TF: variants seen among roughly 807,000 people sequenced by gnomAD.
The protein encoded by TF is transferrin.
A neutral mutation model predicts 82.4 loss-of-function variants in TF; 55 were observed. The ratio of observed to expected loss-of-function variants is 0.67; its 90% CI spans 0.54 to 0.84. The LOEUF (loss-of-function observed/expected upper bound fraction) is 0.84. Ranked by LOEUF, TF falls within the 40% of genes least tolerant of loss-of-function variation. The pLI, the probability that TF is intolerant of heterozygous loss-of-function variation, is 0.00. For missense variants in TF, 737 were observed against 868.4 expected (o/e 0.85, Z 1.90); for synonymous variants, 332 against 332.6 (o/e 1.00, Z 0.02).
chr3:133,724,694 C>T, the TF span, among the ~76,000 whole-genome samples: 1 of 152,118 alleles, frequency 6.6e-6, no homozygotes, highest in African/African-American at 2.4e-5. Flanking sequence ...CTTTTGTTGC[C>T]ATTGCTTTTG....
chr3:133,763,852 G>C (rs1356780483), intron 9 of TF, among the ~76,000 whole-genome samples: 1 of 152,206 alleles, frequency 6.6e-6, no homozygotes, highest in African/African-American at 2.4e-5. Context: ...CCATCTGCAC[G>C]TGAGAATTCT....
the TF span, among the ~76,000 whole-genome samples, chr3:133,729,347 C>T: frequency 1.3e-5 from 2 of 152,220 alleles, no homozygotes; most frequent in Non-Finnish European, 2.9e-5. Context: ...TTTACCTAAG[C>T]AAGCCTGGGC....
In TF at chr3:133,788,238, C is replaced by T. The variant is rs1046848379; in HGVS notation, c.*9618C>T. 6.6e-6 allele frequency: 1 copy of T among 152,210 alleles called. No individual in the cohort carries two copies. The highest frequency in any genetic ancestry group is 2.4e-5 in the African/African-American group (1 of 41,442). The allele number at this position is 152,210 out of a possible 1,614,324, so 9.4% of individuals were successfully genotyped here. ...ACTTTGTAACTTTATTTCATCCTCTCCATTTACATAGGGCGTACATCAAGT... is the reference window on the plus strand; with the variant it reads ...ACTTTGTAACTTTATTTCATCCTCTTCATTTACATAGGGCGTACATCAAGT... On this transcript the variant is annotated 3_prime_UTR_variant, in exon 17 of 17. Coordinates refer to ENST00000402696, the MANE Select transcript of TF (RefSeq NM_001063.4).
At position 133,779,964 on chromosome 3, in the gene TF, C is replaced by T. The variant is rs1354147870; in HGVS notation, c.*1344C>T. Reference sequence around the variant, plus strand: ...CAGTTCGCCATTTTCCCTCACACTACATCCAGCGTCACCAAGTTCTGTTGA... The same window carrying T: ...CAGTTCGCCATTTTCCCTCACACTATATCCAGCGTCACCAAGTTCTGTTGA... On this transcript the variant is annotated 3_prime_UTR_variant, in exon 17 of 17. Transcript: ENST00000402696. 1 of 152,218 alleles carries T rather than the reference C, an allele frequency of 6.6e-6. No individual in the cohort carries two copies. The highest frequency in any genetic ancestry group is 2.4e-5 in the African/African-American group (1 of 41,448). The allele number at this position is 152,218 out of a possible 1,614,324, so 9.4% of individuals were successfully genotyped here.
chr3:133,776,118 G>A (rs745458455), intron 15 of TF, among the ~76,000 whole-genome samples: 1 of 152,148 alleles, frequency 6.6e-6, no homozygotes, highest in Non-Finnish European at 1.5e-5. Flanking sequence ...CCTTGTTCAG[G>A]GGTACCCTCA....
rs1167311083 is a variant in TF at position 133,793,278 on chromosome 3, G to A, written c.*14658G>A. 1 of 152,072 alleles carries A rather than the reference G, an allele frequency of 6.6e-6. No homozygotes were observed. The highest frequency in any genetic ancestry group is 2.4e-5 in the African/African-American group (1 of 41,426). The allele number at this position is 152,072 out of a possible 1,614,324, so 9.4% of individuals were successfully genotyped here. ...TAAAACATTTTTGAGTCATCATTTT[G>A]CTAAATGAATGACTATGGTAACCTG... is the stretch of plus-strand genomic sequence containing the variant. On this transcript the variant is annotated 3_prime_UTR_variant, in exon 17 of 17. Coordinates refer to ENST00000402696, the MANE Select transcript of TF (RefSeq NM_001063.4).
chr3:133,745,209 C>T (rs977731298), upstream of TF, among the ~76,000 whole-genome samples: 5 of 152,290 alleles, frequency 3.3e-5, no homozygotes, highest in Middle Eastern at 3.4e-3. Flanking sequence ...CTGACGTGTC[C>T]ACTAGGCTTG....
intron 5 of TF, 28 bp from the exon 6 acceptor site, chr3:133,756,254 G>A (rs1433496147): frequency 1.2e-6 from 2 of 1,612,508 alleles, no homozygotes; most frequent in Admixed American, 1.7e-5. Flanking sequence ...CCCTGCAGGA[G>A]CCCTGCTGAT....
At chr3:133,726,190 T>G in the TF span, among the ~76,000 whole-genome samples, 1 of 152,198 alleles carries the variant, frequency 6.6e-6, no homozygotes, top group Non-Finnish European at 1.5e-5. Flanking sequence ...TAAGGGAGGA[T>G]TCCCTCTTTT....
chr3:133,759,761 C>T (rs1229334583), intron 9 of TF, among the ~76,000 whole-genome samples: 2 of 152,164 alleles, frequency 1.3e-5, no homozygotes, highest in Non-Finnish European at 2.9e-5. Flanking sequence ...AAAGCTGAGG[C>T]AGGAGGATTG....
chr3:133,723,165 T>G, the TF span, among the ~76,000 whole-genome samples: 1 of 152,220 alleles, frequency 6.6e-6, no homozygotes, highest in African/African-American at 2.4e-5. Context: ...AGGAATTCCC[T>G]TAGATGTGAC....
Position 133,754,713 on chromosome 3 carries a change from T to C in TF, c.502+42T>C, listed in dbSNP as rs559959215. On this transcript the variant is annotated intron_variant, in intron 4 of 16. Coordinates refer to ENST00000402696, the MANE Select transcript of TF (RefSeq NM_001063.4). ...CTGGGTGCCCTCGAGCAGCTGCCTC[T>C]GCTCCAGATGCCCACACAGGCTGCA... is the stretch of plus-strand genomic sequence containing the variant. 2.9e-5 allele frequency: 47 copies of C among 1,601,010 alleles called. No individual in the cohort carries two copies. The Admixed American group carries it at 4.0e-4, about 14-fold the overall frequency.
In TF at chr3:133,764,866, C is replaced by T. The variant is rs777542632; in HGVS notation, c.1298-9C>T. On this transcript the variant is annotated splice_polypyrimidine_tract_variant and intron_variant, in intron 10 of 16. Coordinates refer to ENST00000402696, the MANE Select transcript of TF (RefSeq NM_001063.4). Reference sequence around the variant, plus strand: ...TTTAATGCCTTTTTCATTTTCTTTTCTCCTGCAGAGAGCGATAATTGTGAG... The same window carrying T: ...TTTAATGCCTTTTTCATTTTCTTTTTTCCTGCAGAGAGCGATAATTGTGAG... 5 of 1,613,636 alleles carry T rather than the reference C, an allele frequency of 3.1e-6. No homozygotes were observed. In the East Asian group the frequency reaches 8.9e-5, roughly 29 times the overall value.
chr3:133,732,679 A>C, the TF span, among the ~76,000 whole-genome samples: 2 of 152,224 alleles, frequency 1.3e-5, no homozygotes, highest in African/African-American at 4.8e-5. Context: ...CCAGCACACC[A>C]GAAGGAAAAA....
At chr3:133,736,305 C>T in the TF span, among the ~76,000 whole-genome samples, 8 of 152,066 alleles carry the variant, frequency 5.3e-5, no homozygotes, top group Non-Finnish European at 1.2e-4. Context: ...ATAGAGGAAG[C>T]ACTAAATATG....
At chr3:133,696,696 T>C in the TF span, among the ~76,000 whole-genome samples, 1 of 152,206 alleles carries the variant, frequency 6.6e-6, no homozygotes, top group Non-Finnish European at 1.5e-5. Context: ...AAGCAAAACA[T>C]ACAAATTATT....
At chr3:133,737,421 C>G in the TF span, among the ~76,000 whole-genome samples, 3 of 151,788 alleles carry the variant, frequency 2.0e-5, no homozygotes, top group Non-Finnish European at 4.4e-5. Context: ...GAAGCAACAG[C>G]AAACACATTC....
the TF span, among the ~76,000 whole-genome samples, chr3:133,720,624 A>G: frequency 6.6e-6 from 1 of 152,172 alleles, no homozygotes. Context: ...TGAGTTTTAA[A>G]ATATTCTCTC....
intron 2 of TF, among the ~76,000 whole-genome samples, chr3:133,750,015 C>T (rs937507507): frequency 2.0e-5 from 3 of 152,142 alleles, no homozygotes; most frequent in Admixed American, 6.5e-5. Context: ...GCAGAGACTG[C>T]GAGACAGACA....
Sources: gnomAD v4.1 joint callset for allele counts (sites outside exome capture counted in the v4.1 genomes callset) on GRCh38, gnomAD v4.1.1 for gene constraint, MANE v1.5 for transcripts, NCBI Gene and HGNC (gene_info 2026-07-23, HGNC 2026-07-21) for gene names.